Variants in CSMD1 observed in about 807,000 individuals in gnomAD.
CSMD1 encodes the protein CUB and Sushi multiple domains 1.
A neutral mutation model predicts 417.5 loss-of-function variants in CSMD1; 213 were observed. The ratio of observed to expected loss-of-function variants is 0.51; its 90% CI spans 0.46 to 0.57. CSMD1 has a LOEUF of 0.57. CSMD1 is among the 20% of genes least tolerant of loss of function. The probability of loss-of-function intolerance (pLI) is 0.00; values close to 1 mark genes in which losing one functional copy is unlikely to be tolerated. For synonymous variants in CSMD1, 2,862 were observed against 1,736.8 expected (o/e 1.65, Z -16.11); for missense variants, 6,923 against 4,529.7 (o/e 1.53, Z -15.17).
intron 6 of CSMD1, among the ~76,000 whole-genome samples, chr8:3,724,302 C>A (rs951572189): frequency 3.3e-5 from 5 of 151,902 alleles, no homozygotes; most frequent in Non-Finnish European, 7.4e-5. Context: ...CACCCACTAA[C>A]TCGTCATCTA....
At chr8:3,902,880 T>A (rs62480081) in intron 5 of CSMD1, among the ~76,000 whole-genome samples, 10,056 of 151,716 alleles carry the variant, frequency 0.066, 382 homozygotes, top group South Asian at 0.14. Context: ...TTTCCTTCCA[T>A]CTAACAGCCA....
intron 3 of CSMD1, among the ~76,000 whole-genome samples, chr8:4,181,367 A>AT (rs397790425): frequency 0.27 from 40,808 of 150,230 alleles, 5,621 homozygotes; most frequent in African/African-American, 0.34. Flanking sequence ...TTATTTATTT[A>AT]TTTTTTTTTT....
intron 5 of CSMD1, among the ~76,000 whole-genome samples, chr8:3,826,412 G>C (rs1176859700): frequency 6.6e-6 from 1 of 152,158 alleles, no homozygotes; most frequent in African/African-American, 2.4e-5. Flanking sequence ...TGAGACACGA[G>C]TTATTAGGGA....
chr8:3,442,097 A>G (rs115746424), intron 12 of CSMD1, among the ~76,000 whole-genome samples: 2,303 of 152,160 alleles, frequency 0.015, 60 homozygotes, highest in African/African-American at 0.051. Context: ...CAAAATTAAA[A>G]TAAAAAATGT....
At chr8:4,016,534 T>TGAGAAGGAAA (rs1393249270) in intron 4 of CSMD1, among the ~76,000 whole-genome samples, 1 of 152,090 alleles carries the variant, frequency 6.6e-6, no homozygotes, top group Non-Finnish European at 1.5e-5. Context: ...TCTGGGGCTA[T>TGAGAAGGAAA]GAGAAGGAAA....
chr8:3,169,186 T>A (rs1182301967), intron 37 of CSMD1, among the ~76,000 whole-genome samples: 2 of 152,144 alleles, frequency 1.3e-5, no homozygotes, highest in Non-Finnish European at 1.5e-5. Flanking sequence ...GAATCATGCA[T>A]CTCAGTGAAT....
intron 1 of CSMD1, among the ~76,000 whole-genome samples, chr8:4,818,930 T>C (rs1443307965): frequency 1.3e-5 from 2 of 152,218 alleles, no homozygotes; most frequent in African/African-American, 4.8e-5. Flanking sequence ...AATGGGTTTC[T>C]GATTCCAAGA....
intron 5 of CSMD1, among the ~76,000 whole-genome samples, chr8:3,904,325 C>G (rs1196245390): frequency 6.6e-6 from 1 of 151,954 alleles, no homozygotes; most frequent in East Asian, 1.9e-4. Context: ...CATCATCAAG[C>G]CCAGTCCTAC....
intron 6 of CSMD1, among the ~76,000 whole-genome samples, chr8:3,727,400 G>C (rs1363111033): frequency 1.3e-5 from 2 of 152,112 alleles, no homozygotes; most frequent in South Asian, 2.1e-4. Flanking sequence ...GTACCAAGTG[G>C]ATACCTCAGC....
At chr8:4,388,291 A>C (rs1803603507) in intron 3 of CSMD1, among the ~76,000 whole-genome samples, 1 of 143,064 alleles carries the variant, frequency 7.0e-6, no homozygotes, top group African/African-American at 2.7e-5. Context: ...CAAGTGGATA[A>C]AGAAACTGTG....
chr8:4,299,578 C>G lies in CSMD1; in HGVS notation c.415+120375G>C, dbSNP rs1426184072. 2.0e-5 allele frequency among the ~76,000 whole-genome samples: 3 copies of G among 152,308 alleles called. No homozygotes were observed. In the East Asian group the frequency reaches 5.8e-4, roughly 29 times the overall value. ...TCTCATAAAATTTAAAGTCTACATT[C>G]AGAAATATGCCCCATATTGGCCAAT... On this transcript the variant is annotated intron_variant, in intron 3 of 69. Coordinates refer to ENST00000635120, the MANE Select transcript of CSMD1 (RefSeq NM_033225.6).
At chr8:3,101,445 C>T (rs756942774) in intron 46 of CSMD1, among the ~76,000 whole-genome samples, 4 of 152,056 alleles carry the variant, frequency 2.6e-5, no homozygotes, top group African/African-American at 4.8e-5. Context: ...TTTTTTGAGA[C>T]GGAGTCTCGC....
chr8:3,292,341 G>A (rs1372210167), intron 25 of CSMD1, among the ~76,000 whole-genome samples: 1 of 152,050 alleles, frequency 6.6e-6, no homozygotes, highest in East Asian at 1.9e-4. Context: ...TGTCTATTAG[G>A]TCCGCTTGGT....
intron 1 of CSMD1, among the ~76,000 whole-genome samples, chr8:4,657,653 C>T (rs1276705901): frequency 1.3e-5 from 2 of 150,260 alleles, no homozygotes; most frequent in Non-Finnish European, 3.0e-5. Flanking sequence ...TAATAGTAAA[C>T]ATGGCCAGTT....
chr8:3,884,003 G>C (rs987027804), intron 5 of CSMD1, among the ~76,000 whole-genome samples: 5 of 152,146 alleles, frequency 3.3e-5, no homozygotes, highest in African/African-American at 9.7e-5. Context: ...TTGAAGGTCA[G>C]AATTTGCTAA....
intron 3 of CSMD1, among the ~76,000 whole-genome samples, chr8:4,136,066 G>C (rs1481983160): frequency 2.6e-5 from 4 of 151,808 alleles, no homozygotes; most frequent in Non-Finnish European, 5.9e-5. Context: ...CTTGGCAAGA[G>C]AAAAAAAATG....
chr8:4,494,136 C>T lies in CSMD1; in HGVS notation c.303-74071G>A, dbSNP rs539957600. Among the ~76,000 whole-genome samples, 110 of 152,138 alleles carry T rather than the reference C, an allele frequency of 7.2e-4. 1 individual carries two copies. The highest frequency in any genetic ancestry group is 1.2e-3 in the Non-Finnish European group (85 of 68,024). On this transcript the variant is annotated intron_variant, in intron 2 of 69. Coordinates refer to ENST00000635120, the MANE Select transcript of CSMD1 (RefSeq NM_033225.6). ...ATGAAGAGAGTTAGAGTAGAGAAAA[C>T]TGGGGTAAGATATTGTTGTTTCAAA...
intron 5 of CSMD1, among the ~76,000 whole-genome samples, chr8:3,952,664 A>T (rs780332321): frequency 5.9e-5 from 9 of 152,236 alleles, no homozygotes; most frequent in Non-Finnish European, 1.0e-4. Context: ...ACAGATTCTG[A>T]AATCAAAGAG....
chr8:3,873,292 T>C (rs937743636), intron 5 of CSMD1, among the ~76,000 whole-genome samples: 1 of 151,940 alleles, frequency 6.6e-6, no homozygotes, highest in Non-Finnish European at 1.5e-5. Context: ...AGCAAAGACA[T>C]GGAATCAACC....
Sources: gnomAD v4.1 joint callset for allele counts (sites outside exome capture counted in the v4.1 genomes callset) on GRCh38, gnomAD v4.1.1 for gene constraint, MANE v1.5 for transcripts, NCBI Gene and HGNC (gene_info 2026-07-23, HGNC 2026-07-21) for gene names.